Variants in DCLK2 observed in about 807,000 individuals in gnomAD.
DCLK2 encodes serine/threonine-protein kinase DCLK2.
Under a neutral mutation model 78.4 loss-of-function variants are expected in DCLK2, and 31 were observed. The ratio of observed to expected loss-of-function variants is 0.40; its 90% CI spans 0.30 to 0.53. The LOEUF (loss-of-function observed/expected upper bound fraction) is 0.53, where lower values mean the gene tolerates loss of function less well. Ranked by LOEUF, DCLK2 falls within the 20% of genes least tolerant of loss-of-function variation. The probability of loss-of-function intolerance (pLI) is 0.61; values close to 1 mark genes in which losing one functional copy is unlikely to be tolerated. For synonymous variants in DCLK2, 407 were observed against 374.9 expected (o/e 1.09, Z -0.99); for missense variants, 872 against 973.7 (o/e 0.90, Z 1.39).
At chr4:150,081,837 A>C (rs1464671693) in intron 1 of DCLK2, among the ~76,000 whole-genome samples, 1 of 149,620 alleles carries the variant, frequency 6.7e-6, no homozygotes, top group Non-Finnish European at 1.5e-5. Flanking sequence ...ACTTAAAAAA[A>C]AAAAAAAAAA....
chr4:150,229,159 G>C (rs888531038), intron 8 of DCLK2, among the ~76,000 whole-genome samples: 1 of 152,018 alleles, frequency 6.6e-6, no homozygotes, highest in Non-Finnish European at 1.5e-5. Flanking sequence ...TGGCAATATA[G>C]TGAGACCCCA....
chr4:150,233,201 G>A (rs932367916), intron 10 of DCLK2, among the ~76,000 whole-genome samples: 1 of 152,158 alleles, frequency 6.6e-6, no homozygotes, highest in Non-Finnish European at 1.5e-5. Flanking sequence ...TGGCAGGAGA[G>A]AAAGAGAGCG....
chr4:150,179,987 C>T (rs1737386055), intron 2 of DCLK2, among the ~76,000 whole-genome samples: 1 of 152,068 alleles, frequency 6.6e-6, no homozygotes, highest in Non-Finnish European at 1.5e-5. Context: ...TACATACTTG[C>T]CATTCATTTA....
Position 150,250,683 on chromosome 4 carries a change from C to T in DCLK2, c.2073+999C>T, listed in dbSNP as rs1246092364. Reference sequence around the variant, plus strand: ...GGATGGGCCACCTCCACAGCTCCGTCACTCGTACTTGGGACAGGCCTCTCA... The same window carrying T: ...GGATGGGCCACCTCCACAGCTCCGTTACTCGTACTTGGGACAGGCCTCTCA... On this transcript the variant is annotated intron_variant, in intron 15 of 15. Coordinates refer to ENST00000296550, the MANE Select transcript of DCLK2 (RefSeq NM_001040260.4). Among the ~76,000 whole-genome samples the T allele has an allele frequency of 2.6e-5, 4 of 151,710 alleles. No individual in the cohort carries two copies. In the East Asian group the frequency reaches 7.7e-4, roughly 29 times the overall value.
chr4:150,197,149 G>A (rs1457545249), intron 3 of DCLK2, among the ~76,000 whole-genome samples: 3 of 57,706 alleles, frequency 5.2e-5, no homozygotes, highest in Admixed American at 1.8e-4. Flanking sequence ...GCGAGACTCC[G>A]TCTCAAAAAA....
intron 1 of DCLK2, among the ~76,000 whole-genome samples, chr4:150,085,088 G>C (rs1729548135): frequency 6.6e-6 from 1 of 152,186 alleles, no homozygotes; most frequent in African/African-American, 2.4e-5. Context: ...GAGGCTCAGA[G>C]ATGGTAGAGA....
chr4:150,170,197 CCAT>C (rs1301911394), intron 2 of DCLK2, among the ~76,000 whole-genome samples: 1 of 152,008 alleles, frequency 6.6e-6, no homozygotes, highest in Non-Finnish European at 1.5e-5. Flanking sequence ...GGGATTACCA[CCAT>C]GTCTGGCTGA....
rs548001184 is a variant in DCLK2 at position 150,086,790 on chromosome 4, AC to A, written c.421+7344del. ...CAAAGTGCTGGGATTACAGGCGTGAACCACCGTGCCCGGCCCACAACCAGAT... is the reference window on the plus strand; with the variant it reads ...CAAAGTGCTGGGATTACAGGCGTGAACACCGTGCCCGGCCCACAACCAGAT... On this transcript the variant is annotated intron_variant, in intron 1 of 15. Transcript: ENST00000296550. 2.5e-3 allele frequency among the ~76,000 whole-genome samples: 384 copies of A among 151,474 alleles called. 2 individuals carry two copies. The highest frequency in any genetic ancestry group is 9.2e-3 in the African/African-American group (378 of 41,246).
At chr4:150,206,057 A>G (rs536925742) in intron 5 of DCLK2, among the ~76,000 whole-genome samples, 2 of 151,902 alleles carry the variant, frequency 1.3e-5, no homozygotes, top group African/African-American at 2.4e-5. Context: ...CAATATTGTC[A>G]TTTTCTGTTT....
chr4:150,211,120 G>A lies in DCLK2; in HGVS notation c.1056+7231G>A, dbSNP rs149405914. Among the ~76,000 whole-genome samples the A allele has an allele frequency of 3.5e-3, 533 of 152,308 alleles. 3 individuals are homozygous for A. Among genetic ancestry groups the A allele is most frequent in the Middle Eastern group, 6.8e-3 (2 of 294 alleles). On this transcript the variant is annotated intron_variant, in intron 5 of 15. Transcript: ENST00000296550. ...TCTCATGAGGTTGCAGTCAAGACGCGTCCCAGGGCTGTAGCCGCCTGAAGG... is the reference window on the plus strand; with the variant it reads ...TCTCATGAGGTTGCAGTCAAGACGCATCCCAGGGCTGTAGCCGCCTGAAGG...
At chr4:150,242,296 A>T (rs973399943) in intron 12 of DCLK2, among the ~76,000 whole-genome samples, 1 of 152,220 alleles carries the variant, frequency 6.6e-6, no homozygotes, top group African/African-American at 2.4e-5. Context: ...TGTAGCATTC[A>T]TGAAAGATGT....
chr4:150,111,422 G>C (rs1414878638), intron 2 of DCLK2, among the ~76,000 whole-genome samples: 1 of 152,038 alleles, frequency 6.6e-6, no homozygotes, highest in Non-Finnish European at 1.5e-5. Context: ...TTCTCCTGTT[G>C]TGTAGGTTGT....
chr4:150,136,979 C>CTTTTTTTTTTTTTTTTTTT (rs35729685), intron 2 of DCLK2, among the ~76,000 whole-genome samples: 8 of 82,404 alleles, frequency 9.7e-5, no homozygotes, highest in East Asian at 4.4e-4. Context: ...TCTTCTTCTT[C>CTTTTTTTTTTTTTTTTTTT]TTTTTTTTTT....
intron 2 of DCLK2, among the ~76,000 whole-genome samples, chr4:150,177,911 G>C (rs1054468724): frequency 6.6e-6 from 1 of 152,114 alleles, no homozygotes; most frequent in Admixed American, 6.5e-5. Context: ...AAGGAAGCAG[G>C]GCACTGGGGC....
chr4:150,245,778 T>A (rs187431712), intron 12 of DCLK2, among the ~76,000 whole-genome samples: 6,236 of 152,314 alleles, frequency 0.041, 154 homozygotes, highest in Middle Eastern at 0.058. Context: ...TGATGGACAT[T>A]TGAAATAGGA....
intron 2 of DCLK2, among the ~76,000 whole-genome samples, chr4:150,132,854 C>A (rs1229797757): frequency 6.6e-6 from 1 of 152,184 alleles, no homozygotes; most frequent in African/African-American, 2.4e-5. Context: ...TCTCAAACTC[C>A]TGTGCTCAAA....
At chr4:150,084,680 C>A (rs1370355021) in intron 1 of DCLK2, among the ~76,000 whole-genome samples, 1 of 152,112 alleles carries the variant, frequency 6.6e-6, no homozygotes, top group African/African-American at 2.4e-5. Flanking sequence ...AGATTAATAT[C>A]TAATGGGTTT....
intron 2 of DCLK2, among the ~76,000 whole-genome samples, chr4:150,130,810 C>G (rs1185442577): frequency 6.6e-6 from 1 of 151,856 alleles, no homozygotes; most frequent in Admixed American, 6.6e-5. Context: ...AGCAAGATCT[C>G]TAACCTTGGA....
chr4:150,161,851 G>C (rs950819479), intron 2 of DCLK2, among the ~76,000 whole-genome samples: 2 of 152,174 alleles, frequency 1.3e-5, no homozygotes, highest in East Asian at 1.9e-4. Flanking sequence ...TGTGATGTCT[G>C]TGTCTGACTT....
Sources: allele counts gnomAD v4.1 joint callset (sites outside exome capture counted in the v4.1 genomes callset), GRCh38; gene constraint gnomAD v4.1.1; transcripts MANE v1.5; gene names NCBI Gene and HGNC (gene_info 2026-07-23, HGNC 2026-07-21).